PTK2: variants seen among roughly 807,000 people sequenced by gnomAD.
The protein encoded by PTK2 is focal adhesion kinase 1.
In PTK2, 45 loss-of-function variants were observed where a neutral mutation model predicts 150.1. The observed-to-expected ratio is 0.30, with a 90% CI of 0.24 to 0.38. PTK2 has a LOEUF of 0.38. PTK2 is among the 10% of genes least tolerant of loss of function. The probability of loss-of-function intolerance (pLI) is 1.00; values close to 1 mark genes in which losing one functional copy is unlikely to be tolerated. For synonymous variants in PTK2, 432 were observed against 449.2 expected, an observed-to-expected ratio of 0.96 and a Z score of 0.48; for missense variants, 919 against 1,307.3, an observed-to-expected ratio of 0.70 and a Z score of 4.58.
intron 3 of PTK2, among the ~76,000 whole-genome samples, chr8:140,889,402 T>G (rs2100153480): frequency 6.6e-6 from 1 of 152,108 alleles, no homozygotes; most frequent in Non-Finnish European, 1.5e-5. Context: ...GCTAATTTTG[T>G]ATTTTTTGTA....
chr8:140,995,814 T>C (rs2665883), intron 1 of PTK2, among the ~76,000 whole-genome samples: 63,917 of 151,494 alleles, frequency 0.42, 14,173 homozygotes, highest in East Asian at 0.56. Flanking sequence ...ATAAAAAAGA[T>C]AGGCCAAAAG....
At chr8:140,914,684 C>G (rs1032290808) in intron 2 of PTK2, among the ~76,000 whole-genome samples, 1 of 151,986 alleles carries the variant, frequency 6.6e-6, no homozygotes, top group Non-Finnish European at 1.5e-5. Context: ...TTGCTTCTAA[C>G]GACTGAAACC....
At position 140,895,416 on chromosome 8, in the gene PTK2, G is replaced by A. The variant is rs187839089; in HGVS notation, c.-32-4647C>T. 3.3e-5 allele frequency among the ~76,000 whole-genome samples: 5 copies of A among 152,138 alleles called. No homozygotes were observed. In the East Asian group the frequency reaches 9.7e-4, roughly 29 times the overall value. On this transcript the variant is annotated intron_variant, in intron 2 of 31. Coordinates refer to ENST00000522684, the Ensembl canonical transcript of PTK2. ...GTGTGCCTGTAGTCCCAGCTCCTTG[G>A]GAGGCTGAGGCAGGAGGACTGCTTA... is the stretch of plus-strand genomic sequence containing the variant.
At chr8:140,902,790 C>A (rs2100159047) in intron 2 of PTK2, among the ~76,000 whole-genome samples, 1 of 151,782 alleles carries the variant, frequency 6.6e-6, no homozygotes, top group South Asian at 2.1e-4. Context: ...CCTTCGCCCA[C>A]TTTTTGGTGG....
Position 140,697,871 on chromosome 8 carries a change from T to G in PTK2, c.2499+3020A>C, listed in dbSNP as rs1241452533. Among the ~76,000 whole-genome samples the G allele has an allele frequency of 1.4e-3, 190 of 139,906 alleles. 4 individuals carry two copies. Among genetic ancestry groups the G allele is most frequent in the African/African-American group, 4.8e-3 (181 of 37,500 alleles). 91.8% of individuals were successfully genotyped at this position (139,906 alleles called of 152,430 possible). ...TTTACTGTTTTTTTTTTTTTTTTTT[T>G]TTTTTTTTTTGCCACAGGGTCTTGC... On this transcript the variant is annotated intron_variant, in intron 26 of 31. Transcript: ENST00000522684.
chr8:140,973,833 G>A (rs1440473126), intron 1 of PTK2, among the ~76,000 whole-genome samples: 1 of 152,158 alleles, frequency 6.6e-6, no homozygotes, highest in African/African-American at 2.4e-5. Flanking sequence ...GAAATTCTGA[G>A]AGTGATATCT....
At chr8:140,865,158 A>G (rs1037420991) in intron 4 of PTK2, among the ~76,000 whole-genome samples, 1 of 152,220 alleles carries the variant, frequency 6.6e-6, no homozygotes, top group Admixed American at 6.5e-5. Flanking sequence ...TTTCTTTGGT[A>G]AGTAATGAAA....
chr8:140,987,266 T>C (rs2100193644), intron 1 of PTK2, among the ~76,000 whole-genome samples: 1 of 152,168 alleles, frequency 6.6e-6, no homozygotes, highest in South Asian at 2.1e-4. Flanking sequence ...CTGCAACCTC[T>C]GCCGCCCAGG....
intron 27 of PTK2, among the ~76,000 whole-genome samples, chr8:140,679,566 C>T (rs1340163339): frequency 6.6e-6 from 1 of 152,152 alleles, no homozygotes; most frequent in Non-Finnish European, 1.5e-5. Context: ...GCGGAACCAG[C>T]TGTTTACTTT....
intron 1 of PTK2, among the ~76,000 whole-genome samples, chr8:140,946,777 T>C (rs751012588): frequency 5.3e-5 from 8 of 149,716 alleles, no homozygotes; most frequent in Non-Finnish European, 8.8e-5. Context: ...TTGCTTATTA[T>C]TTTTTTATTA....
At chr8:140,839,735 A>G (rs1203300991) in intron 7 of PTK2, among the ~76,000 whole-genome samples, 1 of 152,230 alleles carries the variant, frequency 6.6e-6, no homozygotes, top group Non-Finnish European at 1.5e-5. Flanking sequence ...AAAATGTAAG[A>G]GACAGCAAAG....
intron 1 of PTK2, among the ~76,000 whole-genome samples, chr8:140,979,225 C>T (rs2100190486): frequency 6.7e-6 from 1 of 150,224 alleles, no homozygotes; most frequent in Non-Finnish European, 1.5e-5. Flanking sequence ...CAAACCTGCA[C>T]GTTGTGCACA....
At chr8:140,997,189 T>G (rs1373599036) in intron 1 of PTK2, among the ~76,000 whole-genome samples, 3 of 152,250 alleles carry the variant, frequency 2.0e-5, no homozygotes, top group African/African-American at 7.2e-5. Flanking sequence ...ATGATGTGAC[T>G]GAATTGCTGC....
chr8:140,803,618 T>A (rs761560501), exon 11 of PTK2: 2 of 1,614,092 alleles, frequency 1.2e-6, no homozygotes, highest in South Asian at 2.2e-5. Context: ...ACTGAATGGT[T>A]TGCACTTGAG....
exon 22 of PTK2, chr8:140,735,358 T>C: frequency 1.2e-6 from 2 of 1,614,100 alleles, no homozygotes; most frequent in Non-Finnish European, 1.7e-6. Flanking sequence ...GAGGCATTGG[T>C]AATCTTTCCC....
chr8:140,956,112 C>T (rs2100181111), intron 1 of PTK2, among the ~76,000 whole-genome samples: 1 of 152,214 alleles, frequency 6.6e-6, no homozygotes, highest in Non-Finnish European at 1.5e-5. Context: ...CTGCAGGAAC[C>T]TGATACGTCT....
chr8:140,893,026 A>G (rs570805863), intron 2 of PTK2, among the ~76,000 whole-genome samples: 17 of 152,336 alleles, frequency 1.1e-4, no homozygotes, highest in Non-Finnish European at 2.4e-4. Flanking sequence ...CTGAAAATGT[A>G]TGTCCAAATA....
At chr8:140,781,720 G>A (rs1228095209) in intron 14 of PTK2, among the ~76,000 whole-genome samples, 2 of 152,204 alleles carry the variant, frequency 1.3e-5, no homozygotes, top group Non-Finnish European at 2.9e-5. Context: ...CAGCTGAGAC[G>A]AGTTCAGCTC....
At chr8:140,761,510 C>T (rs1320421507) in intron 15 of PTK2, among the ~76,000 whole-genome samples, 16 of 151,956 alleles carry the variant, frequency 1.1e-4, no homozygotes. Context: ...TCATGTTGTT[C>T]CTAGGAGTTT....
Sources: allele counts gnomAD v4.1 joint callset (sites outside exome capture counted in the v4.1 genomes callset), GRCh38; gene constraint gnomAD v4.1.1; transcripts MANE v1.5; gene names NCBI Gene and HGNC (gene_info 2026-07-23, HGNC 2026-07-21).